The following ARID1B variants were observed in gnomAD, a reference collection of about 807,000 sequenced individuals.
ARID1B encodes AT-rich interaction domain 1B.
A neutral mutation model predicts 212.3 loss-of-function variants in ARID1B; 30 were observed. That is an observed-to-expected ratio of 0.14 (90% CI 0.11 to 0.19). The LOEUF (loss-of-function observed/expected upper bound fraction) is 0.19. Ranked by LOEUF, ARID1B falls within the 10% of genes least tolerant of loss-of-function variation. The probability of loss-of-function intolerance (pLI) is 1.00; values close to 1 mark genes in which losing one functional copy is unlikely to be tolerated. For synonymous variants in ARID1B, 1,402 were observed against 1,301.7 expected (o/e 1.08, Z -1.66); for missense variants, 2,891 against 3,204.0 (o/e 0.90, Z 2.36).
At chr6:156,933,709 T>C (rs1481053331) in intron 3 of ARID1B, among the ~76,000 whole-genome samples, 1 of 152,268 alleles carries the variant, frequency 6.6e-6, no homozygotes, top group Non-Finnish European at 1.5e-5. Flanking sequence ...AAATATGATA[T>C]GAACTGGGTA....
At chr6:156,899,857 T>C (rs555471113) in intron 2 of ARID1B, among the ~76,000 whole-genome samples, 34 of 152,330 alleles carry the variant, frequency 2.2e-4, no homozygotes, top group African/African-American at 8.2e-4. Context: ...AGCTTTACAG[T>C]CATTTTAACA....
chr6:156,803,129 A>T (rs1780904956), intron 1 of ARID1B, among the ~76,000 whole-genome samples: 1 of 152,176 alleles, frequency 6.6e-6, no homozygotes, highest in Admixed American at 6.5e-5. Flanking sequence ...GAAATTGATT[A>T]TACAACTTCC....
chr6:156,872,501 AG>A (rs1786216718), intron 2 of ARID1B, among the ~76,000 whole-genome samples: 1 of 152,022 alleles, frequency 6.6e-6, no homozygotes. Context: ...TTGTATTTTT[AG>A]TAGAGATGGG....
chr6:156,938,003 A>G (rs1792390196), intron 4 of ARID1B: 1 of 152,168 alleles, frequency 6.6e-6, no homozygotes, highest in African/African-American at 2.4e-5. Context: ...TATGTTAAGT[A>G]TGTAGAAGAT....
chr6:157,128,365 A>T (rs890343177), intron 6 of ARID1B, among the ~76,000 whole-genome samples: 1 of 151,966 alleles, frequency 6.6e-6, no homozygotes, highest in Non-Finnish European at 1.5e-5. Context: ...TCCTTTCTTC[A>T]TGATGCTTAT....
In ARID1B at chr6:156,779,124, G is replaced by C. The variant is rs1778973870; in HGVS notation, c.1444G>C (p.Ala482Pro). The C allele has an allele frequency of 8.1e-7, 1 of 1,241,910 alleles. No individual in the cohort carries two copies. Among genetic ancestry groups the C allele is most frequent in the Non-Finnish European group, 1.0e-6 (1 of 992,612 alleles). 76.9% of individuals were successfully genotyped at this position (1,241,910 alleles called of 1,614,324 possible). A position where few individuals can be genotyped will look rare whatever the true frequency, so the allele number is the denominator to read the frequency against. The change falls in exon 1 of 20, where the codon GCG becomes CCG. Residue 482 changes from alanine (A) to proline (P), a missense_variant. This residue lies in a region of ARID1B where 1,643 missense variants were observed against 1,544.0 expected (regional missense o/e 1.06). Transcript: ENST00000636930. ...SLSKAAAGSA[A>P]GGFQRFAGQN... is the part of the protein sequence containing the mutation. ...CAGCAAGGCGGCCGCCGGCTCGGCG[G>C]CGGGGGGCTTCCAGCGCTTCGCCGG...
At chr6:156,923,465 C>T (rs1163893502) in intron 3 of ARID1B, among the ~76,000 whole-genome samples, 1 of 152,146 alleles carries the variant, frequency 6.6e-6, no homozygotes, top group African/African-American at 2.4e-5. Flanking sequence ...GGTTCCCATC[C>T]CTTCTCCACC....
At chr6:157,043,503 T>C (rs1320327960) in intron 4 of ARID1B, among the ~76,000 whole-genome samples, 1 of 152,230 alleles carries the variant, frequency 6.6e-6, no homozygotes, top group African/African-American at 2.4e-5. Context: ...ACGTGGCATT[T>C]TCCCCCATAA....
chr6:157,184,741 A>T (rs1025517483), intron 13 of ARID1B: 10 of 419,028 alleles, frequency 2.4e-5, no homozygotes, highest in Admixed American at 3.9e-5. Flanking sequence ...ACAAGTATTC[A>T]AAAAGATTCC....
At chr6:157,120,460 G>A (rs904666030) in intron 6 of ARID1B, among the ~76,000 whole-genome samples, 2 of 152,196 alleles carry the variant, frequency 1.3e-5, no homozygotes, top group Non-Finnish European at 2.9e-5. Flanking sequence ...CGGGGGGCCT[G>A]GGTTAAAGCC....
chr6:156,810,504 C>T (rs1203278934), intron 1 of ARID1B, among the ~76,000 whole-genome samples: 1 of 152,194 alleles, frequency 6.6e-6, no homozygotes, highest in Non-Finnish European at 1.5e-5. Context: ...GGTTTGTAAA[C>T]TCTCTTGCTA....
At chr6:157,132,076 G>A (rs1389358712) in intron 6 of ARID1B, among the ~76,000 whole-genome samples, 2 of 152,218 alleles carry the variant, frequency 1.3e-5, no homozygotes, top group African/African-American at 4.8e-5. Flanking sequence ...TGAGGAAAAT[G>A]AACCAAAAGG....
At chr6:157,039,680 TC>T (rs1781648427) in intron 4 of ARID1B, among the ~76,000 whole-genome samples, 3 of 100,510 alleles carry the variant, frequency 3.0e-5, no homozygotes, top group East Asian at 2.6e-4. Context: ...CTTCCTTCCT[TC>T]CTTCCTTCCT....
intron 7 of ARID1B, among the ~76,000 whole-genome samples, chr6:157,147,220 G>A (rs1449969829): frequency 3.7e-3 from 16 of 4,300 alleles, no homozygotes; most frequent in Admixed American, 3.2e-3. Flanking sequence ...CCTGCCCTCC[G>A]TCCCTCACCT....
At chr6:157,116,856 C>G (rs147741257) in intron 6 of ARID1B, among the ~76,000 whole-genome samples, 1 of 152,148 alleles carries the variant, frequency 6.6e-6, no homozygotes, top group South Asian at 2.1e-4. Flanking sequence ...AGTCAAAGCA[C>G]GCTGTACCTG....
chr6:156,970,620 A>G (rs1583052477), intron 4 of ARID1B, among the ~76,000 whole-genome samples: 1 of 152,256 alleles, frequency 6.6e-6, no homozygotes. Flanking sequence ...TTAGTAAACA[A>G]CACTCAAAAG....
At chr6:156,863,868 G>A (rs1250013837) in intron 2 of ARID1B, among the ~76,000 whole-genome samples, 1 of 152,150 alleles carries the variant, frequency 6.6e-6, no homozygotes, top group Admixed American at 6.5e-5. Flanking sequence ...TTGAGTCCTT[G>A]GCAAAATCCA....
Position 156,779,482 on chromosome 6 carries a change from C to A in ARID1B, c.1791+11C>A, listed in dbSNP as rs759119564. The A allele has an allele frequency of 2.9e-6, 4 of 1,367,520 alleles. No individual in the cohort carries two copies. The Admixed American group carries it at 8.2e-5, about 28-fold the overall frequency. The allele number at this position is 1,367,520 out of a possible 1,614,324, so 84.7% of individuals were successfully genotyped here. ...ATGGGCAGATCCCAGGTAACCCTCGCGCCAGCCGGGCCTGCTTCCGCCCGG... is the reference window on the plus strand; with the variant it reads ...ATGGGCAGATCCCAGGTAACCCTCGAGCCAGCCGGGCCTGCTTCCGCCCGG... On this transcript the variant is annotated intron_variant, in intron 1 of 19. Transcript: ENST00000636930.
intron 4 of ARID1B, among the ~76,000 whole-genome samples, chr6:157,067,835 C>T (rs1783774617): frequency 6.6e-6 from 1 of 152,256 alleles, no homozygotes; most frequent in Middle Eastern, 3.4e-3. Flanking sequence ...TGTATCCTGC[C>T]ATATGTAATT....
Sources: gnomAD v4.1 joint callset for allele counts (sites outside exome capture counted in the v4.1 genomes callset) on GRCh38, gnomAD v4.1.1 for gene constraint, gnomAD v4.1.1 regional missense constraint, MANE v1.5 for transcripts, NCBI Gene and HGNC (gene_info 2026-07-23, HGNC 2026-07-21) for gene names.